The following RRH variants were observed in gnomAD, a reference collection of about 807,000 sequenced individuals.
RRH encodes the protein visual pigment-like receptor peropsin.
RRH carries 36 observed loss-of-function variants against 33.1 expected under a neutral mutation model. The observed-to-expected ratio is 1.09, with a 90% confidence interval of 0.83 to 1.44. The LOEUF (loss-of-function observed/expected upper bound fraction) is 1.44, where lower values mean the gene tolerates loss of function less well. Ranked by LOEUF, RRH falls within the 40% of genes most tolerant of loss-of-function variation. RRH has a pLI of 0.00. For missense variants in RRH, 393 were observed against 420.2 expected (o/e 0.94, Z 0.57); for synonymous variants, 124 against 140.2 (o/e 0.88, Z 0.82).
In RRH at chr4:109,842,036, G is replaced by A. The variant is rs564573269; in HGVS notation, c.721-433G>A. Among the ~76,000 whole-genome samples the A allele has an allele frequency of 3.3e-5, 5 of 152,168 alleles. No individual in the cohort carries two copies. In the East Asian group the frequency reaches 5.8e-4, roughly 18 times the overall value. On this transcript the variant is annotated intron_variant, in intron 5 of 6. Coordinates refer to ENST00000317735, the MANE Select transcript of RRH (RefSeq NM_006583.5). ...TTAGAAAGTTACTTTTGTTAATTTA[G>A]CAGGTAATCCCAGTAAGAGCAAATA...
chr4:109,831,547 G>A (rs187316473), intron 1 of RRH, among the ~76,000 whole-genome samples: 38 of 152,282 alleles, frequency 2.5e-4, no homozygotes, highest in African/African-American at 8.9e-4. Flanking sequence ...ATTTAGGGAG[G>A]AGAGGATAGT....
In RRH at chr4:109,832,346, G is replaced by A. The variant is rs532757685; in HGVS notation, c.107-793G>A. Among the ~76,000 whole-genome samples the A allele has an allele frequency of 6.6e-5, 10 of 150,996 alleles. No homozygotes were observed. The South Asian group carries it at 2.1e-3, about 32-fold the overall frequency. On this transcript the variant is annotated intron_variant, in intron 1 of 6. Coordinates refer to ENST00000317735, the MANE Select transcript of RRH (RefSeq NM_006583.5). ...TCTACCTCAGTGCAACCAATCTGGG[G>A]CACTGACAACACTGAGGTTCTGGAA...
chr4:109,832,181 T>C (rs1733769474), intron 1 of RRH, among the ~76,000 whole-genome samples: 1 of 146,152 alleles, frequency 6.8e-6, no homozygotes, highest in African/African-American at 2.6e-5. Flanking sequence ...CACACCCCTT[T>C]AGGATCTAGT....
intron 1 of RRH, among the ~76,000 whole-genome samples, chr4:109,829,058 G>A (rs1579357885): frequency 1.3e-5 from 2 of 152,130 alleles, no homozygotes; most frequent in Admixed American, 6.5e-5. Flanking sequence ...ATACTCTAAC[G>A]AGTTGTAGAA....
In RRH at chr4:109,835,384, A is replaced by G. The variant is rs960387701; in HGVS notation, c.316A>G (p.Ile106Val). 2 of 1,610,632 alleles carry G rather than the reference A, an allele frequency of 1.2e-6. No homozygotes were observed. Among genetic ancestry groups the G allele is most frequent in the Admixed American group, 1.7e-5 (1 of 59,934 alleles). ...AGCQVYAGLN[I>V]FFGMASIGLL... The stretch of plus-strand genomic sequence containing the variant: ...TTTTCAGGTTTATGCTGGATTGAAT[A>G]TTTTTTTTGGAATGGCAAGCATTGG... Residue 106 changes from isoleucine to valine, a missense_variant, in exon 3 of 7, where the codon ATT becomes GTT. Transcript: ENST00000317735.
At chr4:109,833,807 C>T (rs978147766) in intron 2 of RRH, among the ~76,000 whole-genome samples, 2 of 150,880 alleles carry the variant, frequency 1.3e-5, no homozygotes, top group African/African-American at 4.9e-5. Context: ...ATTAATTTGC[C>T]TTAAGACAGT....
At chr4:109,843,837 A>G (rs1465512180) in intron 6 of RRH, among the ~76,000 whole-genome samples, 2 of 152,216 alleles carry the variant, frequency 1.3e-5, no homozygotes, top group Non-Finnish European at 2.9e-5. Flanking sequence ...ACTGTACCAT[A>G]TACCTTATAT....
chr4:109,828,670 A>T (rs1349799759), intron 1 of RRH, among the ~76,000 whole-genome samples: 1 of 152,138 alleles, frequency 6.6e-6, no homozygotes. Flanking sequence ...TTGAGGACAG[A>T]GTCTGAAAAT....
chr4:109,842,564 T>TC lies in RRH; in HGVS notation c.822dup (p.Met275HisfsTer16), dbSNP rs760466752. 97 of 1,613,868 alleles carry TC rather than the reference T, an allele frequency of 6.0e-5. No individual in the cohort carries two copies. Among genetic ancestry groups the TC allele is most frequent in the African/African-American group, 3.7e-4 (28 of 74,918 alleles). ...CTTTTGGTGACCCAAAGAAGATTCC[T>TC]CCCCCCATGGCCATCATAGCTCCAC... On this transcript the variant is annotated frameshift_variant, in exon 6 of 7. Coordinates refer to ENST00000317735, the MANE Select transcript of RRH (RefSeq NM_006583.5). LOFTEE classifies it high-confidence loss of function.
At chr4:109,842,109 C>A (rs967800954) in intron 5 of RRH, among the ~76,000 whole-genome samples, 2 of 152,064 alleles carry the variant, frequency 1.3e-5, no homozygotes, top group Admixed American at 6.6e-5. Flanking sequence ...GAGTTCATAG[C>A]ATAATGATGT....
At position 109,828,050 on chromosome 4, in the gene RRH, A is replaced by G. The variant is rs1356278712; in HGVS notation, c.23A>G (p.Asn8Ser). 3.1e-6 allele frequency: 5 copies of G among 1,611,468 alleles called. No homozygotes were observed. The East Asian group carries it at 6.7e-5, about 22-fold the overall frequency. MLRNNLGNSSDSKNEDGS... is the reference protein window; with the variant it reads MLRNNLGSSSDSKNEDGS... ...AAAATGCTAAGAAATAATTTAGGCA[A>G]CAGTTCAGACTCTAAAAATGAAGAT... is the stretch of plus-strand genomic sequence containing the variant. Residue 8 changes from asparagine to serine, a missense_variant, in exon 1 of 7, where the codon AAC becomes AGC. By Grantham distance (46) the Asn-to-Ser change is conservative. Coordinates refer to ENST00000317735, the MANE Select transcript of RRH (RefSeq NM_006583.5).
Position 109,844,464 on chromosome 4 carries a change from G to C in RRH, c.*267G>C. Reference sequence around the variant, plus strand: ...GTCCCCTTTCTTTCTCCCTATTATGGCATGCATTACACTGTACTGATGACC... The same window carrying C: ...GTCCCCTTTCTTTCTCCCTATTATGCCATGCATTACACTGTACTGATGACC... On this transcript the variant is annotated 3_prime_UTR_variant, in exon 7 of 7. Transcript: ENST00000317735. 1 of 382,304 alleles carries C rather than the reference G, an allele frequency of 2.6e-6. No individual in the cohort carries two copies. The highest frequency in any genetic ancestry group is 5.0e-6 in the Non-Finnish European group (1 of 200,206). The allele number at this position is 382,304 out of a possible 1,614,324, so 23.7% of individuals were successfully genotyped here.
Position 109,836,035 on chromosome 4 carries a change from C to T in RRH, c.426C>T (p.Ile142=), listed in dbSNP as rs147097967. Residue 142 remains isoleucine (I), a synonymous_variant, in exon 4 of 7, where the codon ATC becomes ATT. Transcript: ENST00000317735. The part of the protein sequence containing the change: ...VGRRMTTNTY[I]GLILGAWING... ...GAAGAATGACCACCAACACTTACAT[C>T]GGCTTGATTCTGGGAGCCTGGATCA... 31 of 1,614,130 alleles carry T rather than the reference C, an allele frequency of 1.9e-5. No homozygotes were observed. The highest frequency in any genetic ancestry group is 1.7e-4 in the Admixed American group (10 of 60,018).
chr4:109,834,002 A>G (rs930713924), intron 2 of RRH, among the ~76,000 whole-genome samples: 1 of 152,234 alleles, frequency 6.6e-6, no homozygotes, highest in African/African-American at 2.4e-5. Context: ...ATATAAAACT[A>G]TACAGATAAT....
chr4:109,832,194 G>T (rs1733769657), intron 1 of RRH, among the ~76,000 whole-genome samples: 1 of 144,498 alleles, frequency 6.9e-6, no homozygotes. Context: ...GATCTAGTAT[G>T]CCCATATCTG....
intron 5 of RRH, among the ~76,000 whole-genome samples, chr4:109,837,878 T>A (rs1579362946): frequency 6.6e-6 from 1 of 152,110 alleles, no homozygotes; most frequent in Non-Finnish European, 1.5e-5. Flanking sequence ...CGGGTTCAAG[T>A]GATTCTCCTG....
rs769211582 is a variant in RRH, at chr4:109,842,539, C to G, written c.791C>G (p.Ser264Cys). ...SPYSIVCLWASFGDPKKIPPP... is the reference protein window; with the variant it reads ...SPYSIVCLWACFGDPKKIPPP... ...TATTCCATCGTGTGCTTATGGGCTT[C>G]TTTTGGTGACCCAAAGAAGATTCCT... The change falls in exon 6 of 7, where the codon TCT becomes TGT. Residue 264 changes from serine (S) to cysteine (C), a missense_variant. By Grantham distance (112) the Ser-to-Cys change is moderately radical. Coordinates refer to ENST00000317735, the MANE Select transcript of RRH (RefSeq NM_006583.5). 7 of 1,613,952 alleles carry G rather than the reference C, an allele frequency of 4.3e-6. No individual in the cohort carries two copies. In the East Asian group the frequency reaches 1.6e-4, roughly 36 times the overall value.
intron 6 of RRH, 67 bp from the exon 7 acceptor site, chr4:109,844,016 T>C: frequency 9.4e-7 from 1 of 1,063,624 alleles, no homozygotes; most frequent in South Asian, 1.3e-5. Flanking sequence ...CTTAGCCATA[T>C]TTGAAAATGC....
chr4:109,839,958 A>G (rs547833686), intron 5 of RRH, among the ~76,000 whole-genome samples: 7 of 152,312 alleles, frequency 4.6e-5, no homozygotes, highest in Admixed American at 1.3e-4. Flanking sequence ...TAATACAATG[A>G]TTTATATTCC....
Sources: gnomAD v4.1 joint callset for allele counts (sites outside exome capture counted in the v4.1 genomes callset) on GRCh38, gnomAD v4.1.1 for gene constraint, MANE v1.5 for transcripts, NCBI Gene and HGNC (gene_info 2026-07-23, HGNC 2026-07-21) for gene names.